GLI2: variants seen among roughly 807,000 people sequenced by gnomAD.
GLI2 encodes the protein transcription activator GLI2.
GLI2 carries 22 observed loss-of-function variants against 78.9 expected under a neutral mutation model. That is an observed-to-expected ratio of 0.28 (90% CI 0.20 to 0.40). GLI2 has a LOEUF of 0.40. Among genes scored for constraint, GLI2 ranks in the 10% least tolerant of loss-of-function variants. The pLI is 1.00. For synonymous variants in GLI2, 974 were observed against 963.7 expected (o/e 1.01, Z -0.20); for missense variants, 2,097 against 2,213.2 (o/e 0.95, Z 1.05).
At chr2:120,884,371 G>A (rs1283787231) in intron 2 of GLI2, among the ~76,000 whole-genome samples, 7 of 152,152 alleles carry the variant, frequency 4.6e-5, no homozygotes, top group African/African-American at 1.2e-4. Flanking sequence ...TGGGTAATGG[G>A]TTTTTCATCC....
intron 3 of GLI2, among the ~76,000 whole-genome samples, chr2:120,947,739 G>A (rs1680782342): frequency 1.3e-5 from 2 of 152,226 alleles, no homozygotes; most frequent in African/African-American, 4.8e-5. Context: ...TCTGGCTGAG[G>A]CTACACAGCC....
intron 9 of GLI2, among the ~76,000 whole-genome samples, chr2:120,975,750 C>T (rs541692392): frequency 1.4e-4 from 21 of 152,260 alleles, no homozygotes; most frequent in East Asian, 7.7e-4. Context: ...CATACTGCAG[C>T]GTCCCTTATA....
intron 2 of GLI2, among the ~76,000 whole-genome samples, chr2:120,869,702 A>G (rs1688329754): frequency 2.0e-5 from 3 of 152,250 alleles, no homozygotes. Context: ...CAATTTGGCA[A>G]TACCAAAGGC....
chr2:120,893,128 A>G (rs908972672), intron 2 of GLI2, among the ~76,000 whole-genome samples: 1 of 152,272 alleles, frequency 6.6e-6, no homozygotes, highest in African/African-American at 2.4e-5. Context: ...CAAATATCTC[A>G]GCAGCTCAGC....
chr2:120,764,717 G>A (rs533440787), intron 1 of GLI2, among the ~76,000 whole-genome samples: 1 of 152,360 alleles, frequency 6.6e-6, no homozygotes, highest in South Asian at 2.1e-4. Flanking sequence ...TTTTCCAGAT[G>A]TTAAAAGTGC....
chr2:120,955,098 TG>T, intron 4 of GLI2, 146 bp from the exon 5 acceptor site: 1 of 655,486 alleles, frequency 1.5e-6, no homozygotes, highest in Non-Finnish European at 2.7e-6. Flanking sequence ...AGTGGGGCAG[TG>T]GGGGAAAATG....
Position 120,737,992 on chromosome 2 carries a change from G to C in GLI2, c.-31+1707G>C, listed in dbSNP as rs2104616726. ...TCCGCCCATTTCCTTACCTTGCTGG[G>C]AGTTCCCTTGGCTGGGTTTCCCTGT... On this transcript the variant is annotated intron_variant, in intron 1 of 13. Transcript: ENST00000361492. The surrounding 1 kb of genome is among the most constrained non-coding windows in gnomAD (Gnocchi z 4.3). 6.6e-6 allele frequency among the ~76,000 whole-genome samples: 1 copy of C among 152,324 alleles called. No homozygotes were observed. Among genetic ancestry groups the C allele is most frequent in the Non-Finnish European group, 1.5e-5 (1 of 68,028 alleles).
Position 120,785,084 on chromosome 2 carries a change from G to T in GLI2, c.-30-12207G>T, listed in dbSNP as rs547152830. Among the ~76,000 whole-genome samples, 136 of 152,284 alleles carry T rather than the reference G, an allele frequency of 8.9e-4. 1 individual carries two copies. Among genetic ancestry groups the T allele is most frequent in the Non-Finnish European group, 1.5e-3 (105 of 68,018 alleles). On this transcript the variant is annotated intron_variant, in intron 1 of 13. Transcript: ENST00000361492. ...ACCCTCCTGGCCTCCTTGAGCCGGC[G>T]CATGTCCAGGCTGCAGCAGACCACA...
chr2:120,930,574 C>T (rs959749515), intron 3 of GLI2, among the ~76,000 whole-genome samples: 1 of 152,248 alleles, frequency 6.6e-6, no homozygotes, highest in Non-Finnish European at 1.5e-5. Flanking sequence ...GGCACTGCCC[C>T]GAGTCCAGTC....
At chr2:120,953,065 A>G (rs1467455733) in intron 4 of GLI2, among the ~76,000 whole-genome samples, 3 of 152,260 alleles carry the variant, frequency 2.0e-5, no homozygotes, top group Non-Finnish European at 2.9e-5. Flanking sequence ...ACACAGGTCC[A>G]TATCCTAATC....
rs1680569810 is a variant in GLI2, at chr2:120,943,673, G to A, written c.255-7570G>A. On this transcript the variant is annotated intron_variant, in intron 3 of 13. Transcript: ENST00000361492. Reference sequence around the variant, plus strand: ...CTGTTAAATGGGACATGAAGGAGCTGTTCCTGCCTGTGTCTGGCCCCAGCC... The same window carrying A: ...CTGTTAAATGGGACATGAAGGAGCTATTCCTGCCTGTGTCTGGCCCCAGCC... 2.0e-5 allele frequency among the ~76,000 whole-genome samples: 3 copies of A among 152,334 alleles called. No individual in the cohort carries two copies. The South Asian group carries it at 6.2e-4, about 32-fold the overall frequency.
At chr2:120,871,020 C>A (rs1480186712) in intron 2 of GLI2, among the ~76,000 whole-genome samples, 1 of 152,222 alleles carries the variant, frequency 6.6e-6, no homozygotes, top group African/African-American at 2.4e-5. Flanking sequence ...AAAGGCAAAT[C>A]CTGGGACTTG....
At chr2:120,928,397 G>A (rs973478670) in intron 3 of GLI2, among the ~76,000 whole-genome samples, 1 of 152,162 alleles carries the variant, frequency 6.6e-6, no homozygotes, top group African/African-American at 2.4e-5. Context: ...CTCCTCAGGG[G>A]CAGTGTGATC....
rs557622148 is a variant in GLI2, at chr2:120,951,142, G to A, written c.255-101G>A. On this transcript the variant is annotated intron_variant, in intron 3 of 13. Transcript: ENST00000361492. ...TAATAAGTGCAGGTTGTTCTGGAAAGTCTTTCCAGGAGAGACAAGGACTGT... is the reference window on the plus strand; with the variant it reads ...TAATAAGTGCAGGTTGTTCTGGAAAATCTTTCCAGGAGAGACAAGGACTGT... 9 of 771,726 alleles carry A rather than the reference G, an allele frequency of 1.2e-5. No homozygotes were observed. The East Asian group carries it at 2.2e-4, about 19-fold the overall frequency. The allele number at this position is 771,726 out of a possible 1,614,324, so 47.8% of individuals were successfully genotyped here.
chr2:120,971,564 A>G (rs781389251), intron 7 of GLI2, among the ~76,000 whole-genome samples: 3 of 150,890 alleles, frequency 2.0e-5, no homozygotes, highest in South Asian at 2.1e-4. Context: ...CTGGCCCCCT[A>G]TGCCCTGGGC....
chr2:120,947,099 A>G (rs1271690713), intron 3 of GLI2, among the ~76,000 whole-genome samples: 3 of 152,174 alleles, frequency 2.0e-5, no homozygotes, highest in Non-Finnish European at 4.4e-5. Context: ...GAAGAAGCTG[A>G]AACGGTGGGG....
chr2:120,989,614 T>G lies in GLI2; in HGVS notation c.3649T>G (p.Cys1217Gly). Residue 1217 changes from cysteine (C) to glycine (G), a missense_variant, in exon 14 of 14, where the codon TGT becomes GGT. Around this residue, in one of 5 missense-constraint regions of GLI2, gnomAD observed 1,290 missense variants for 1,261.7 expected, o/e 1.02. Coordinates refer to ENST00000361492, the MANE Select transcript of GLI2 (RefSeq NM_001374353.1). ...QLRQPVAGSQ[C>G]PGMTTTMSPH... ...GCGACAGCCAGTGGCAGGCAGCCAG[T>G]GTCCTGGCATGACTACCACTATGAG... 6.2e-7 allele frequency: 1 copy of G among 1,612,774 alleles called. No homozygotes were observed. Among genetic ancestry groups the G allele is most frequent in the Non-Finnish European group, 8.5e-7 (1 of 1,179,808 alleles).
intron 4 of GLI2, among the ~76,000 whole-genome samples, chr2:120,953,588 G>A (rs527916123): frequency 2.0e-5 from 3 of 152,298 alleles, no homozygotes; most frequent in East Asian, 1.9e-4. Flanking sequence ...CCAGGGCCAG[G>A]GCCAGAGGGC....
chr2:120,878,497 A>G (rs1688872397), intron 2 of GLI2, among the ~76,000 whole-genome samples: 1 of 152,228 alleles, frequency 6.6e-6, no homozygotes, highest in African/African-American at 2.4e-5. Context: ...CCACTGAAAT[A>G]TTTATGAAGA....
Sources: gnomAD v4.1 joint callset for allele counts (sites outside exome capture counted in the v4.1 genomes callset) on GRCh38, gnomAD v4.1.1 for gene constraint, gnomAD v4.1.1 regional missense constraint, Gnocchi (gnomAD v3.1) non-coding constraint, MANE v1.5 for transcripts, NCBI Gene and HGNC (gene_info 2026-07-23, HGNC 2026-07-21) for gene names.